GALNT18: variants seen among roughly 807,000 people sequenced by gnomAD.
GALNT18 encodes the protein polypeptide N-acetylgalactosaminyltransferase 18, also known as GalNAc-transferase 18.
A neutral mutation model predicts 69.5 loss-of-function variants in GALNT18; 44 were observed. That is an observed-to-expected ratio of 0.63 (90% CI 0.50 to 0.81). The LOEUF is 0.81. Among genes scored for constraint, GALNT18 ranks in the 40% least tolerant of loss-of-function variants. The pLI is 0.00. For synonymous variants in GALNT18, 364 were observed against 318.2 expected, an observed-to-expected ratio of 1.14 and a Z score of -1.53; for missense variants, 715 against 810.0, an observed-to-expected ratio of 0.88 and a Z score of 1.42.
At chr11:11,408,629 A>T (rs1254646466) in intron 3 of GALNT18, among the ~76,000 whole-genome samples, 1 of 152,138 alleles carries the variant, frequency 6.6e-6, no homozygotes, top group Non-Finnish European at 1.5e-5. Context: ...CTGCCCCCTC[A>T]GTCTCTGTGG....
At chr11:11,588,571 C>T (rs929527790) in intron 1 of GALNT18, among the ~76,000 whole-genome samples, 3 of 152,182 alleles carry the variant, frequency 2.0e-5, no homozygotes, top group African/African-American at 7.2e-5. Context: ...GCATGCTAAC[C>T]AACCTCATCC....
rs1470569289 is a variant in GALNT18, at chr11:11,341,033, A to AGCCT, written c.1093-33_1093-30dup. On this transcript the variant is annotated intron_variant, in intron 6 of 10. Coordinates refer to ENST00000227756, the MANE Select transcript of GALNT18 (RefSeq NM_198516.3). The surrounding 1 kb of genome is among the most constrained non-coding windows in gnomAD (Gnocchi z 6.3). ...CAGAAGACATGGAGCCACTTGTCAG[A>AGCCT]GCCTGCCTGGCTCTGCCTTTCTACA... 3 of 1,566,094 alleles carry AGCCT rather than the reference A, an allele frequency of 1.9e-6. No homozygotes were observed. Among genetic ancestry groups the AGCCT allele is most frequent in the East Asian group, 2.3e-5 (1 of 43,608 alleles).
At chr11:11,407,583 G>A (rs1854619624) in intron 3 of GALNT18, among the ~76,000 whole-genome samples, 1 of 152,208 alleles carries the variant, frequency 6.6e-6, no homozygotes, top group South Asian at 2.1e-4. Context: ...GCTGCATGAT[G>A]TAGCCAGCCA....
intron 1 of GALNT18, among the ~76,000 whole-genome samples, chr11:11,502,760 G>A (rs1856999321): frequency 6.6e-6 from 1 of 152,200 alleles, no homozygotes; most frequent in Non-Finnish European, 1.5e-5. Flanking sequence ...CTGCAGATAA[G>A]TTGTGACATT....
At position 11,448,742 on chromosome 11, in the gene GALNT18, A is replaced by C; in HGVS notation, c.428+2T>G. ...AAGGGCCCAGTCACTGACTCTGCTCACCCACTGGGTCTGAGGTCAGGCAGG... is the reference window on the plus strand; with the variant it reads ...AAGGGCCCAGTCACTGACTCTGCTCCCCCACTGGGTCTGAGGTCAGGCAGG... On this transcript the variant is annotated splice_donor_variant, in intron 2 of 10. Transcript: ENST00000227756. LOFTEE classifies it high-confidence loss of function. The C allele has an allele frequency of 6.2e-7, 1 of 1,608,176 alleles. No individual in the cohort carries two copies. Among genetic ancestry groups the C allele is most frequent in the African/African-American group, 1.3e-5 (1 of 74,972 alleles).
At chr11:11,554,372 G>A (rs1029203562) in intron 1 of GALNT18, among the ~76,000 whole-genome samples, 41 of 151,950 alleles carry the variant, frequency 2.7e-4, no homozygotes, top group Admixed American at 1.5e-3. Flanking sequence ...ACCGTGACGG[G>A]GAGGCACAGG....
chr11:11,575,807 T>C (rs779729553), intron 1 of GALNT18, among the ~76,000 whole-genome samples: 8 of 152,204 alleles, frequency 5.3e-5, no homozygotes, highest in Non-Finnish European at 1.0e-4. Context: ...CTCAGCTAAG[T>C]GAGGACCTCA....
intron 1 of GALNT18, among the ~76,000 whole-genome samples, chr11:11,585,327 C>T (rs747972675): frequency 3.8e-4 from 57 of 151,916 alleles, no homozygotes; most frequent in Non-Finnish European, 5.4e-4. Flanking sequence ...CTTCTTTTCC[C>T]ATCTACATAT....
intron 9 of GALNT18, among the ~76,000 whole-genome samples, chr11:11,322,011 C>T (rs574601361): frequency 1.3e-5 from 2 of 152,336 alleles, no homozygotes; most frequent in South Asian, 2.1e-4. Context: ...GGTATTTACA[C>T]TGAACAGGAG....
chr11:11,575,329 G>T (rs931912000), intron 1 of GALNT18, among the ~76,000 whole-genome samples: 1 of 152,116 alleles, frequency 6.6e-6, no homozygotes, highest in Non-Finnish European at 1.5e-5. Context: ...CTTCCTCCTG[G>T]CACCCCCTTC....
chr11:11,362,543 C>T (rs1850666989), intron 6 of GALNT18, among the ~76,000 whole-genome samples: 1 of 152,006 alleles, frequency 6.6e-6, no homozygotes, highest in Admixed American at 6.6e-5. Flanking sequence ...GAACAGCTTA[C>T]AGAAAAAAGA....
chr11:11,311,154 A>C (rs1454398911), intron 9 of GALNT18, among the ~76,000 whole-genome samples: 1 of 152,204 alleles, frequency 6.6e-6, no homozygotes, highest in Admixed American at 6.5e-5. Flanking sequence ...CACGCAGTAA[A>C]GAACTGCCCC....
chr11:11,282,621 G>A (rs982133938), intron 10 of GALNT18, among the ~76,000 whole-genome samples: 1 of 152,144 alleles, frequency 6.6e-6, no homozygotes, highest in Admixed American at 6.5e-5. Context: ...CACAGTGGTG[G>A]TGAACTAGAC....
intron 8 of GALNT18, among the ~76,000 whole-genome samples, chr11:11,328,217 G>A (rs1017648821): frequency 1.3e-5 from 2 of 152,202 alleles, no homozygotes; most frequent in African/African-American, 4.8e-5. Context: ...TTCCCTGCTG[G>A]AGTACCCATG....
chr11:11,505,108 G>A lies in GALNT18; in HGVS notation c.236-56172C>T, dbSNP rs1243067872. Among the ~76,000 whole-genome samples, 1 of 152,218 alleles carries A rather than the reference G, an allele frequency of 6.6e-6. No homozygotes were observed. The highest frequency in any genetic ancestry group is 1.9e-4 in the East Asian group (1 of 5,200). ...AAGTTTAAAGAAAATGCCACCTTGA[G>A]GGGATGACATTTGAAGAGGGCTTGA... On this transcript the variant is annotated intron_variant, in intron 1 of 10. Transcript: ENST00000227756. The surrounding 1 kb of genome is among the most constrained non-coding windows in gnomAD (Gnocchi z 4.6).
At chr11:11,371,089 T>G (rs188829736) in intron 6 of GALNT18, among the ~76,000 whole-genome samples, 168 of 152,300 alleles carry the variant, frequency 1.1e-3, no homozygotes, top group African/African-American at 3.8e-3. Context: ...AAGCAATTTC[T>G]CAGGGTTTCA....
intron 10 of GALNT18, among the ~76,000 whole-genome samples, chr11:11,271,577 C>T (rs1422938265): frequency 1.1e-5 from 1 of 89,770 alleles, no homozygotes; most frequent in East Asian, 3.1e-4. Context: ...TGTGGTACAC[C>T]TGTTTGCACC....
rs1373174528 is a variant in GALNT18, at chr11:11,435,171, C to A, written c.429-2384G>T. Among the ~76,000 whole-genome samples, 2 of 152,222 alleles carry A rather than the reference C, an allele frequency of 1.3e-5. No individual in the cohort carries two copies. Among genetic ancestry groups the A allele is most frequent in the Non-Finnish European group, 2.9e-5 (2 of 68,050 alleles). ...GCTTCTGTATCTCTCTGCACTTCCCCACGGGGTCTGCACTGCGTTCCCAGA... is the reference window on the plus strand; with the variant it reads ...GCTTCTGTATCTCTCTGCACTTCCCAACGGGGTCTGCACTGCGTTCCCAGA... On this transcript the variant is annotated intron_variant, in intron 2 of 10. Transcript: ENST00000227756. The surrounding 1 kb of genome is among the most constrained non-coding windows in gnomAD (Gnocchi z 4.4).
intron 2 of GALNT18, among the ~76,000 whole-genome samples, chr11:11,440,341 T>G (rs1855507259): frequency 6.6e-6 from 1 of 152,198 alleles, no homozygotes; most frequent in Non-Finnish European, 1.5e-5. Context: ...AAAAGCCAGC[T>G]GGCTCTGATG....
Sources: allele counts gnomAD v4.1 joint callset (sites outside exome capture counted in the v4.1 genomes callset), GRCh38; gene constraint gnomAD v4.1.1; non-coding constraint Gnocchi (gnomAD v3.1); transcripts MANE v1.5; gene names NCBI Gene and HGNC (gene_info 2026-07-23, HGNC 2026-07-21).